Variants in HOTAIR observed in about 807,000 individuals in gnomAD.
HOTAIR encodes the protein HOX transcript antisense RNA (non-protein coding).
rs1352266435 is a variant in HOTAIR, at chr12:53,973,352, C to T, written n.59+1546G>A. 2.5e-6 allele frequency: 4 copies of T among 1,612,338 alleles called. No individual in the cohort carries two copies. In the African/African-American group the frequency reaches 4.0e-5, roughly 16 times the overall value. On this transcript the variant is annotated intron_variant and non_coding_transcript_variant, in intron 1 of 6. Transcript: ENST00000424518. This position sits in a 1 kb window ranked among gnomAD's most constrained non-coding sequence, Gnocchi z 4.3. ...CCTCCAACCTCTATCTGCCCAGTTGCACTTACTACATGCCCGAGTTCTCCA... is the reference window on the plus strand; with the variant it reads ...CCTCCAACCTCTATCTGCCCAGTTGTACTTACTACATGCCCGAGTTCTCCA...
intron 1 of HOTAIR, among the ~76,000 whole-genome samples, chr12:53,970,033 A>T (rs1479911576): frequency 6.6e-6 from 1 of 152,232 alleles, no homozygotes; most frequent in African/African-American, 2.4e-5. Flanking sequence ...GTTGGAGGGA[A>T]GGGTGCTGGA....
chr12:53,968,609 A>T (rs1165542148), intron 2 of HOTAIR: 1 of 152,320 alleles, frequency 6.6e-6, no homozygotes, highest in Non-Finnish European at 1.5e-5. Flanking sequence ...ATAGGCCACA[A>T]CACTCACCCC....
chr12:53,973,391 C>T lies in HOTAIR; in HGVS notation n.59+1507G>A. On this transcript the variant is annotated intron_variant and non_coding_transcript_variant, in intron 1 of 6. Transcript: ENST00000424518. The surrounding 1 kb of genome is among the most constrained non-coding windows in gnomAD (Gnocchi z 4.3). ...CCGAGTTCTCCACGGTCTCCTCCTTCCTGCCCCAGGCCCCCTCTCGTCAGA... is the reference window on the plus strand; with the variant it reads ...CCGAGTTCTCCACGGTCTCCTCCTTTCTGCCCCAGGCCCCCTCTCGTCAGA... The T allele has an allele frequency of 6.2e-7, 1 of 1,614,224 alleles. No individual in the cohort carries two copies. The highest frequency in any genetic ancestry group is 1.1e-5 in the South Asian group (1 of 91,086).
At position 53,973,943 on chromosome 12, in the gene HOTAIR, G is replaced by A. The variant is rs1257967927; in HGVS notation, n.59+955C>T. The A allele has an allele frequency of 2.1e-6, 3 of 1,435,354 alleles. No homozygotes were observed. Among genetic ancestry groups the A allele is most frequent in the Non-Finnish European group, 1.8e-6 (2 of 1,092,946 alleles). The allele number at this position is 1,435,354 out of a possible 1,614,324, so 88.9% of individuals were successfully genotyped here. A position where few individuals can be genotyped will look rare whatever the true frequency, so the allele number is the denominator to read the frequency against. On this transcript the variant is annotated intron_variant and non_coding_transcript_variant, in intron 1 of 6. Transcript: ENST00000424518. The surrounding 1 kb of genome is among the most constrained non-coding windows in gnomAD (Gnocchi z 4.3). ...CCCCCAGTAGGTAGCAGCGGCCGGG[G>A]AACGGGCGGGCAGCGAGGGAGGGAG...
chr12:53,968,334 C>T (rs1049969132), intron 2 of HOTAIR: 2 of 152,354 alleles, frequency 1.3e-5, no homozygotes, highest in Non-Finnish European at 2.9e-5. Flanking sequence ...ACAAACACCC[C>T]ACAGAGCCAG....
At chr12:53,965,633 G>T (rs1023709914) in intron 5 of HOTAIR, among the ~76,000 whole-genome samples, 1 of 152,172 alleles carries the variant, frequency 6.6e-6, no homozygotes, top group Admixed American at 6.5e-5. Flanking sequence ...GATCAAGGAA[G>T]TGCCTGAGAA....
rs202055341 is a variant in HOTAIR at position 53,973,626 on chromosome 12, G to A, written n.59+1272C>T. 44 of 1,612,944 alleles carry A rather than the reference G, an allele frequency of 2.7e-5. No homozygotes were observed. In the East Asian group the frequency reaches 9.1e-4, roughly 34 times the overall value. ...CTACGGCGGCCACCACCACCCCAGC[G>A]CCCCGCACGCAACCCCCGCCGGCTT... On this transcript the variant is annotated intron_variant and non_coding_transcript_variant, in intron 1 of 6. Transcript: ENST00000424518. The surrounding 1 kb of genome is among the most constrained non-coding windows in gnomAD (Gnocchi z 4.3).
intron 5 of HOTAIR, among the ~76,000 whole-genome samples, chr12:53,965,461 C>T (rs2136370859): frequency 6.6e-6 from 1 of 152,378 alleles, no homozygotes; most frequent in East Asian, 1.9e-4. Context: ...AATTGGCCTT[C>T]CCCCTCTCCC....
At position 53,973,090 on chromosome 12, in the gene HOTAIR, C is replaced by T. The variant is rs1939175679; in HGVS notation, n.59+1808G>A. ...ACCCCTCCTACGTCTGCGAAGTGCT[C>T]CGAACTGATATATGACAATATCTAC... is the stretch of plus-strand genomic sequence containing the variant. On this transcript the variant is annotated intron_variant and non_coding_transcript_variant, in intron 1 of 6. Coordinates refer to ENST00000424518, the Ensembl canonical transcript of HOTAIR. This position sits in a 1 kb window ranked among gnomAD's most constrained non-coding sequence, Gnocchi z 4.3. The T allele has an allele frequency of 4.9e-6, 3 of 614,426 alleles. No homozygotes were observed. In the Admixed American group the frequency reaches 9.7e-5, roughly 20 times the overall value. 38.1% of individuals were successfully genotyped at this position (614,426 alleles called of 1,614,324 possible). A position where few individuals can be genotyped will look rare whatever the true frequency, so the allele number is the denominator to read the frequency against.
chr12:53,963,777 T>TG (rs1349222122), exon 7 of HOTAIR: 3 of 152,168 alleles, frequency 2.0e-5, no homozygotes, highest in Admixed American at 2.0e-4. Flanking sequence ...CCGAGCCGGG[T>TG]GCTGCCCCGG....
intron 1 of HOTAIR, among the ~76,000 whole-genome samples, chr12:53,971,381 A>G (rs1939145788): frequency 6.6e-6 from 1 of 152,220 alleles, no homozygotes; most frequent in Admixed American, 6.5e-5. Context: ...GACTCCACTC[A>G]GGTGTCACTT....
chr12:53,965,735 G>C (rs1244094796), intron 5 of HOTAIR, among the ~76,000 whole-genome samples: 1 of 150,402 alleles, frequency 6.6e-6, no homozygotes, highest in Non-Finnish European at 1.5e-5. Flanking sequence ...AACAGCAGGA[G>C]AAAAAGAAGG....
chr12:53,973,057 A>C lies in HOTAIR; in HGVS notation n.59+1841T>G. ...CGCCTGAACGTCCCCGATCTTACCT[A>C]AGAGAGAACCCCTCCTACGTCTGCG... On this transcript the variant is annotated intron_variant and non_coding_transcript_variant, in intron 1 of 6. Transcript: ENST00000424518. This position sits in a 1 kb window ranked among gnomAD's most constrained non-coding sequence, Gnocchi z 4.3. 1.9e-6 allele frequency: 1 copy of C among 531,274 alleles called. No homozygotes were observed. The highest frequency in any genetic ancestry group is 3.3e-6 in the Non-Finnish European group (1 of 303,932). 32.9% of individuals were successfully genotyped at this position (531,274 alleles called of 1,614,324 possible). A position where few individuals can be genotyped will look rare whatever the true frequency, so the allele number is the denominator to read the frequency against.
chr12:53,973,350 T>G lies in HOTAIR; in HGVS notation n.59+1548A>C, dbSNP rs1172662931. The G allele has an allele frequency of 2.5e-6, 4 of 1,612,300 alleles. No individual in the cohort carries two copies. The East Asian group carries it at 9.0e-5, about 36-fold the overall frequency. ...CGCCTCCAACCTCTATCTGCCCAGT[T>G]GCACTTACTACATGCCCGAGTTCTC... On this transcript the variant is annotated intron_variant and non_coding_transcript_variant, in intron 1 of 6. Coordinates refer to ENST00000424518, the Ensembl canonical transcript of HOTAIR. The surrounding 1 kb of genome is among the most constrained non-coding windows in gnomAD (Gnocchi z 4.3).
Position 53,973,606 on chromosome 12 carries a change from G to T in HOTAIR, n.59+1292C>A. ...CTCATGAAAAACGAAGGCTCCTACG[G>T]CGGCCACCACCACCCCAGCGCCCCG... On this transcript the variant is annotated intron_variant and non_coding_transcript_variant, in intron 1 of 6. Coordinates refer to ENST00000424518, the Ensembl canonical transcript of HOTAIR. This position sits in a 1 kb window ranked among gnomAD's most constrained non-coding sequence, Gnocchi z 4.3. The T allele has an allele frequency of 6.2e-7, 1 of 1,613,386 alleles. No individual in the cohort carries two copies.
chr12:53,973,354 C>T lies in HOTAIR; in HGVS notation n.59+1544G>A. Reference sequence around the variant, plus strand: ...TCCAACCTCTATCTGCCCAGTTGCACTTACTACATGCCCGAGTTCTCCACG... The same window carrying T: ...TCCAACCTCTATCTGCCCAGTTGCATTTACTACATGCCCGAGTTCTCCACG... On this transcript the variant is annotated intron_variant and non_coding_transcript_variant, in intron 1 of 6. Coordinates refer to ENST00000424518, the Ensembl canonical transcript of HOTAIR. The surrounding 1 kb of genome is among the most constrained non-coding windows in gnomAD (Gnocchi z 4.3). 2 of 1,613,192 alleles carry T rather than the reference C, an allele frequency of 1.2e-6. No individual in the cohort carries two copies.
At chr12:53,964,870 C>G (rs1157992362) in intron 5 of HOTAIR, among the ~76,000 whole-genome samples, 1 of 152,148 alleles carries the variant, frequency 6.6e-6, no homozygotes, top group Non-Finnish European at 1.5e-5. Flanking sequence ...AGTTTGAATG[C>G]CCCTGATTTA....
At chr12:53,971,285 C>G (rs1456673695) in intron 1 of HOTAIR, among the ~76,000 whole-genome samples, 2 of 152,150 alleles carry the variant, frequency 1.3e-5, no homozygotes, top group African/African-American at 4.8e-5. Context: ...GGAGTAGCGC[C>G]CAGCATTGAG....
intron 5 of HOTAIR, among the ~76,000 whole-genome samples, chr12:53,965,500 A>G (rs1461879956): frequency 3.3e-5 from 5 of 152,238 alleles, no homozygotes; most frequent in Non-Finnish European, 1.5e-5. Context: ...GGCAAAAGCC[A>G]GGCTGGGGCT....
Sources: allele counts gnomAD v4.1 joint callset (sites outside exome capture counted in the v4.1 genomes callset), GRCh38; gene constraint gnomAD v4.1.1; non-coding constraint Gnocchi (gnomAD v3.1); transcripts MANE v1.5; gene names NCBI Gene and HGNC (gene_info 2026-07-23, HGNC 2026-07-21).